PER3: variants seen among roughly 807,000 people sequenced by gnomAD.
The protein encoded by PER3 is period circadian regulator 3, also known as period circadian protein homolog 3.
A neutral mutation model predicts 127.2 loss-of-function variants in PER3; 107 were observed. The observed-to-expected ratio is 0.84, with a 90% CI of 0.72 to 0.99. The LOEUF is 0.99. PER3 is among the 50% of genes least tolerant of loss of function. PER3 has a pLI of 0.00. For missense variants in PER3, 1,560 were observed against 1,525.8 expected, an observed-to-expected ratio of 1.02 and a Z score of -0.37; for synonymous variants, 618 against 585.8, an observed-to-expected ratio of 1.05 and a Z score of -0.79.
intron 21 of PER3, among the ~76,000 whole-genome samples, chr1:7,839,990 C>T (rs1443957585): frequency 6.6e-6 from 1 of 152,248 alleles, no homozygotes; most frequent in East Asian, 1.9e-4. Context: ...TTTTCTTCCT[C>T]TGGGGCCCCT....
chr1:7,809,125 T>G, intron 11 of PER3, 127 bp downstream of exon 11: 1 of 576,378 alleles, frequency 1.7e-6, no homozygotes. Context: ...TCCAGAAATT[T>G]TTGTCTTTCT....
At chr1:7,792,948 A>G (rs1204138555) in intron 5 of PER3, among the ~76,000 whole-genome samples, 2 of 152,228 alleles carry the variant, frequency 1.3e-5, no homozygotes, top group African/African-American at 4.8e-5. Flanking sequence ...AATAAATGGT[A>G]TAAGCAAACT....
At chr1:7,790,574 C>T (rs1252638512) in intron 5 of PER3, among the ~76,000 whole-genome samples, 4 of 152,196 alleles carry the variant, frequency 2.6e-5, no homozygotes, top group African/African-American at 7.2e-5. Flanking sequence ...CCAAATCTCA[C>T]GTCCTCACAT....
chr1:7,829,214 A>G (rs75576111), intron 18 of PER3, among the ~76,000 whole-genome samples: 8 of 152,264 alleles, frequency 5.3e-5, no homozygotes, highest in African/African-American at 1.4e-4. Flanking sequence ...GTTTTTTCCT[A>G]AACATACTAT....
chr1:7,820,635 A>G lies in PER3; in HGVS notation c.1952A>G (p.Glu651Gly), dbSNP rs1189611475. 1 of 1,609,216 alleles carries G rather than the reference A, an allele frequency of 6.2e-7. No homozygotes were observed. Among genetic ancestry groups the G allele is most frequent in the Admixed American group, 1.7e-5 (1 of 59,088 alleles). Residue 651 changes from glutamate to glycine, a missense_variant, in exon 16 of 22, where the codon GAG becomes GGG. Around this residue, in one of 3 missense-constraint regions of PER3, gnomAD observed 1,332 missense variants for 1,223.6 expected, o/e 1.09. Coordinates refer to ENST00000377532, the MANE Select transcript of PER3 (RefSeq NM_001377275.1). ...ACCATTGTCCATGTCCCACCCCCAG[A>G]GACAGGTACCACACTCGCCTCTTAC... ...SSTIVHVPPPETARDATLFCE... is the reference protein window; with the variant it reads ...SSTIVHVPPPGTARDATLFCE...
intron 10 of PER3, 102 bp downstream of exon 10, chr1:7,803,950 T>TAA: frequency 1.1e-6 from 1 of 929,846 alleles, no homozygotes; most frequent in East Asian, 2.5e-5. Flanking sequence ...ATAAACTAAA[T>TAA]AAAGCACAGA....
chr1:7,842,721 C>T lies in PER3; in HGVS notation c.3599C>T (p.Ser1200Phe), dbSNP rs2097397407. ...NEDSADGAAT[S>F]CGQVLVEDSC ...GATTCAGCTGATGGTGCGGCCACAT[C>T]CTGTGGTCAGGTTCTGGTAGAAGAC... is the stretch of plus-strand genomic sequence containing the variant. The change falls in exon 22 of 22, where the codon TCC becomes TTC. Residue 1200 changes from serine to phenylalanine, a missense_variant. Around this residue, in one of 3 missense-constraint regions of PER3, gnomAD observed 199 missense variants for 198.6 expected, o/e 1.00. Coordinates refer to ENST00000377532, the MANE Select transcript of PER3 (RefSeq NM_001377275.1). 3 of 1,613,304 alleles carry T rather than the reference C, an allele frequency of 1.9e-6. No homozygotes were observed. Among genetic ancestry groups the T allele is most frequent in the Middle Eastern group, 1.7e-4 (1 of 6,054 alleles).
chr1:7,809,135 TC>T (rs2097208281), intron 11 of PER3, 137 bp downstream of exon 11: 2 of 573,270 alleles, frequency 3.5e-6, no homozygotes, highest in Non-Finnish European at 6.2e-6. Context: ...TTTGTCTTTC[TC>T]TTTTCGTTTT....
In PER3 at chr1:7,827,266, C is replaced by A; in HGVS notation, c.2337C>A (p.Cys779Ter). The A allele has an allele frequency of 6.2e-7, 1 of 1,613,838 alleles. No individual in the cohort carries two copies. Among genetic ancestry groups the A allele is most frequent in the Non-Finnish European group, 8.5e-7 (1 of 1,179,882 alleles). The part of the protein sequence containing the change: ...RGAHQNAQPC[C>*]PSAASSPHTS... ...CGCATCAGAACGCACAGCCCTGCTG[C>A]CCCTCCGCGGCCTCCTCTCCGCACA... Residue 779 changes from cysteine (C) to a stop codon, truncating the protein, a stop_gained, in exon 18 of 22, where the codon TGC becomes TGA. Coordinates refer to ENST00000377532, the MANE Select transcript of PER3 (RefSeq NM_001377275.1). LOFTEE classifies it high-confidence loss of function.
intron 7 of PER3, 45 bp from the exon 8 acceptor site, chr1:7,801,068 A>G (rs773088664): frequency 1.5e-5 from 16 of 1,088,536 alleles, no homozygotes; most frequent in Non-Finnish European, 2.3e-5. Flanking sequence ...TGGATAATTA[A>G]TTAGATATTT....
In PER3 at chr1:7,788,057, G is replaced by T; in HGVS notation, c.403G>T (p.Ala135Ser). 6.2e-7 allele frequency: 1 copy of T among 1,609,266 alleles called. No homozygotes were observed. The highest frequency in any genetic ancestry group is 8.5e-7 in the Non-Finnish European group (1 of 1,175,596). The change falls in exon 5 of 22, where the codon GCA becomes TCA. Residue 135 changes from alanine to serine, a missense_variant. Ala to Ser is a moderately conservative substitution (Grantham distance 99). Coordinates refer to ENST00000377532, the MANE Select transcript of PER3 (RefSeq NM_001377275.1). ...ATGTTTTTCATAGGATACCTTTGTG[G>T]CAGTATTTTCATTTCTGTCTGGAAG... ...HTSKNTDTFV[A>S]VFSFLSGRLV... is the part of the protein sequence containing the mutation.
In PER3 at chr1:7,810,555, C is replaced by T; in HGVS notation, c.1489C>T (p.Pro497Ser). The change falls in exon 13 of 22, where the codon CCG (proline) becomes TCG (serine). Residue 497 changes from proline (P) to serine (S), a missense_variant. Pro to Ser is a moderately conservative substitution (Grantham distance 74). Around this residue, in one of 3 missense-constraint regions of PER3, gnomAD observed 1,332 missense variants for 1,223.6 expected, o/e 1.09. Transcript: ENST00000377532. ...GCCAGTGACGGGGACACGCACAGAA[C>T]CGAATGGTGGTGGTGAGTCAGCGAA... ...FKPVTGTRTE[P>S]NGGGESANGG... 1 of 1,613,018 alleles carries T rather than the reference C, an allele frequency of 6.2e-7. No individual in the cohort carries two copies. Among genetic ancestry groups the T allele is most frequent in the Non-Finnish European group, 8.5e-7 (1 of 1,179,784 alleles).
intron 10 of PER3, among the ~76,000 whole-genome samples, chr1:7,804,398 CTT>C (rs568675301): frequency 4.0e-5 from 5 of 124,502 alleles, no homozygotes; most frequent in African/African-American, 9.0e-5. Context: ...TTGTTTGTGT[CTT>C]TTTTTTTTTT....
Position 7,843,891 on chromosome 1 carries a change from CT to C in PER3, c.*1141del. 2 of 1,259,686 alleles carry C rather than the reference CT, an allele frequency of 1.6e-6. No individual in the cohort carries two copies. The highest frequency in any genetic ancestry group is 2.1e-6 in the Non-Finnish European group (2 of 971,264). The allele number at this position is 1,259,686 out of a possible 1,614,324, so 78.0% of individuals were successfully genotyped here. ...TGATAAATCAGCTCACTCTCTGGTG[CT>C]TTTTAGAGAAGTCCCTGATTCCTTC... is the stretch of plus-strand genomic sequence containing the variant. On this transcript the variant is annotated 3_prime_UTR_variant, in exon 22 of 22. Coordinates refer to ENST00000377532, the MANE Select transcript of PER3 (RefSeq NM_001377275.1).
chr1:7,796,464 AT>A (rs1385909719), intron 6 of PER3, among the ~76,000 whole-genome samples: 1 of 151,602 alleles, frequency 6.6e-6, no homozygotes, highest in Non-Finnish European at 1.5e-5. Context: ...GACTACAGGC[AT>A]GCACCGCCAC....
At position 7,801,165 on chromosome 1, in the gene PER3, G is replaced by A. The variant is rs746938174; in HGVS notation, c.846G>A (p.Gly282=). 6.9e-6 allele frequency: 11 copies of A among 1,602,842 alleles called. No homozygotes were observed. The highest frequency in any genetic ancestry group is 8.5e-6 in the Non-Finnish European group (10 of 1,173,640). The part of the protein sequence containing the change: ...KRIFTTTHTP[G]CVFLEVDEKA... Reference sequence around the variant, plus strand: ...TCTTCACCACCACACACACCCCAGGGTGTGTTTTTCTTGAAGTAGATGAAA... The same window carrying A: ...TCTTCACCACCACACACACCCCAGGATGTGTTTTTCTTGAAGTAGATGAAA... The change falls in exon 8 of 22, where the codon GGG becomes GGA. Residue 282 remains glycine, a synonymous_variant. Transcript: ENST00000377532.
intron 5 of PER3, among the ~76,000 whole-genome samples, chr1:7,791,151 C>G (rs1392528376): frequency 2.6e-5 from 4 of 152,246 alleles, no homozygotes; most frequent in African/African-American, 9.6e-5. Flanking sequence ...ACCCAAATTT[C>G]CCTTACACAT....
At chr1:7,797,880 G>A (rs1288105892) in intron 6 of PER3, among the ~76,000 whole-genome samples, 1 of 152,186 alleles carries the variant, frequency 6.6e-6, no homozygotes, top group Non-Finnish European at 1.5e-5. Flanking sequence ...ACCGGGTGAT[G>A]ATATTTGAAG....
At position 7,796,930 on chromosome 1, in the gene PER3, AT is replaced by A. The variant is rs2097148306; in HGVS notation, c.645-1589del. 6.6e-5 allele frequency among the ~76,000 whole-genome samples: 10 copies of A among 152,290 alleles called. No homozygotes were observed. The South Asian group carries it at 2.1e-3, about 32-fold the overall frequency. On this transcript the variant is annotated intron_variant, in intron 6 of 21. Coordinates refer to ENST00000377532, the MANE Select transcript of PER3 (RefSeq NM_001377275.1). ...CCAGGAGTTTTGGGCTGGAGTTATC[AT>A]TTTTTGAGGCAGACGAAATTCTAGG...
Sources: gnomAD v4.1 joint callset for allele counts (sites outside exome capture counted in the v4.1 genomes callset) on GRCh38, gnomAD v4.1.1 for gene constraint, gnomAD v4.1.1 regional missense constraint, MANE v1.5 for transcripts, NCBI Gene and HGNC (gene_info 2026-07-23, HGNC 2026-07-21) for gene names.